The following WDR27 variants were observed in gnomAD, a reference collection of about 807,000 sequenced individuals.
WDR27 encodes the protein WD repeat domain 27.
In WDR27, 100 loss-of-function variants were observed where a neutral mutation model predicts 114.4. That is an observed-to-expected ratio of 0.87 (90% CI 0.74 to 1.03). The LOEUF (loss-of-function observed/expected upper bound fraction) is 1.03. Ranked by LOEUF, WDR27 falls within the 50% of genes least tolerant of loss-of-function variation. WDR27 has a pLI of 0.00. For missense variants in WDR27, 1,129 were observed against 1,092.9 expected (o/e 1.03, Z -0.47); for synonymous variants, 449 against 423.1 (o/e 1.06, Z -0.75).
intron 23 of WDR27, among the ~76,000 whole-genome samples, chr6:169,600,681 A>G (rs930759223): frequency 1.1e-4 from 17 of 152,230 alleles, no homozygotes; most frequent in African/African-American, 3.1e-4. Context: ...AAGCCTCAGT[A>G]GCTGATTCGA....
At chr6:169,626,274 C>T (rs1027795873) in intron 21 of WDR27, among the ~76,000 whole-genome samples, 30 of 152,236 alleles carry the variant, frequency 2.0e-4, no homozygotes, top group African/African-American at 3.9e-4. Context: ...GTGTGGGTGT[C>T]GCCTTCCTGA....
chr6:169,638,322 C>CA (rs60501000), intron 18 of WDR27, among the ~76,000 whole-genome samples: 514 of 10,990 alleles, frequency 0.047, 120 homozygotes, highest in Non-Finnish European at 0.089. Flanking sequence ...GACTCCGTCT[C>CA]AAAAAAAAAA....
Position 169,659,089 on chromosome 6 carries a change from G to A in WDR27, c.1316C>T (p.Ala439Val). ...PSMGQSLSVP[A>V]SSCVLPTSPL... ...TCCACACTTGAAGACACTCTACCTG[G>A]CTGGCACCGAGAGGCTCTGCCCCAT... Residue 439 changes from alanine to valine, a missense_variant, in exon 12 of 26, where the codon GCC (alanine) becomes GTC (valine). Transcript: ENST00000448612. This position sits in a 1 kb window ranked among gnomAD's most constrained non-coding sequence, Gnocchi z 4.3. The A allele has an allele frequency of 6.4e-7, 1 of 1,551,642 alleles. No homozygotes were observed. The highest frequency in any genetic ancestry group is 1.4e-5 in the African/African-American group (1 of 72,210).
chr6:169,557,840 C>T (rs1799136008), intron 25 of WDR27, among the ~76,000 whole-genome samples: 1 of 152,050 alleles, frequency 6.6e-6, no homozygotes, highest in Admixed American at 6.5e-5. Context: ...GTTATCAGGA[C>T]AGAAGATTAT....
chr6:169,446,554 G>T, the WDR27 span, among the ~76,000 whole-genome samples: 1 of 152,240 alleles, frequency 6.6e-6, no homozygotes, highest in East Asian at 1.9e-4. Context: ...TCTGCAGGGG[G>T]CAGGAGGGAG....
At chr6:169,629,166 G>T (rs1815652160) in intron 21 of WDR27, among the ~76,000 whole-genome samples, 1 of 152,034 alleles carries the variant, frequency 6.6e-6, no homozygotes, top group Non-Finnish European at 1.5e-5. Flanking sequence ...TAGAAAATTG[G>T]TTAGCTAAAG....
intron 2 of WDR27, among the ~76,000 whole-genome samples, chr6:169,683,954 A>G (rs1782234669): frequency 6.6e-6 from 1 of 152,144 alleles, no homozygotes; most frequent in Non-Finnish European, 1.5e-5. Flanking sequence ...GCACAGCACC[A>G]TCTTGAGACC....
chr6:169,526,537 T>C (rs1794991191), intron 25 of WDR27, among the ~76,000 whole-genome samples: 1 of 151,924 alleles, frequency 6.6e-6, no homozygotes, highest in Non-Finnish European at 1.5e-5. Flanking sequence ...CGCTTAAACC[T>C]GGGAGGCAGA....
chr6:169,507,066 A>G (rs1792092253), intron 25 of WDR27, among the ~76,000 whole-genome samples: 1 of 152,246 alleles, frequency 6.6e-6, no homozygotes, highest in African/African-American at 2.4e-5. Context: ...TCAATTGTGT[A>G]ATGTTTTAGA....
At chr6:169,654,512 A>G (rs1032322502) in intron 13 of WDR27, among the ~76,000 whole-genome samples, 2 of 152,252 alleles carry the variant, frequency 1.3e-5, no homozygotes, top group African/African-American at 4.8e-5. Flanking sequence ...AAACGAAATC[A>G]TAAGACACCT....
intron 23 of WDR27, among the ~76,000 whole-genome samples, chr6:169,594,923 C>T (rs1344343933): frequency 1.3e-5 from 2 of 152,122 alleles, no homozygotes; most frequent in Non-Finnish European, 2.9e-5. Flanking sequence ...GGCCTATAAT[C>T]CCAGCACTTT....
Position 169,662,408 on chromosome 6 carries a change from G to A in WDR27, c.921C>T (p.Pro307=). The A allele has an allele frequency of 6.2e-7, 1 of 1,613,982 alleles. No homozygotes were observed. Reference sequence around the variant, plus strand: ...CTCCTTTTCCCAGAGCACTTGTAGAGGGAAGCTGGCTTTCTTCTAGGGACA... The same window carrying A: ...CTCCTTTTCCCAGAGCACTTGTAGAAGGAAGCTGGCTTTCTTCTAGGGACA... ...LCSQPEESQL[P]STSALGKGEQ... is the part of the protein sequence containing the mutation. The change falls in exon 9 of 26, where the codon CCC becomes CCT. Residue 307 remains proline, a synonymous_variant. Transcript: ENST00000448612.
chr6:169,649,715 T>G (rs1299174947), intron 14 of WDR27, among the ~76,000 whole-genome samples: 1 of 151,778 alleles, frequency 6.6e-6, no homozygotes, highest in Non-Finnish European at 1.5e-5. Context: ...CATCCAACCA[T>G]CACCCATCCA....
Position 169,688,746 on chromosome 6 carries a change from G to C in WDR27, c.189+71C>G, listed in dbSNP as rs377516204. 89 of 1,267,556 alleles carry C rather than the reference G, an allele frequency of 7.0e-5. No homozygotes were observed. In the African/African-American group the frequency reaches 1.3e-3, roughly 18 times the overall value. 78.5% of individuals were successfully genotyped at this position (1,267,556 alleles called of 1,614,324 possible). ...GAATCCACAGAGGGTAATGCTGTCC[G>C]AACAGCATCAAAGACATGGAGAGAC... On this transcript the variant is annotated intron_variant, in intron 2 of 25. Transcript: ENST00000448612.
chr6:169,504,836 C>A (rs1246231267), intron 25 of WDR27, among the ~76,000 whole-genome samples: 6 of 152,148 alleles, frequency 3.9e-5, no homozygotes, highest in South Asian at 2.1e-4. Context: ...TGGCCTCAAG[C>A]AATTCTGCCA....
At chr6:169,482,364 G>T (rs1358212727) in intron 25 of WDR27, among the ~76,000 whole-genome samples, 1 of 152,142 alleles carries the variant, frequency 6.6e-6, no homozygotes, top group African/African-American at 2.4e-5. Context: ...GGTCTTTGAG[G>T]AATCACCACA....
chr6:169,622,993 A>G (rs1813737694), intron 21 of WDR27, among the ~76,000 whole-genome samples: 1 of 152,198 alleles, frequency 6.6e-6, no homozygotes. Context: ...ATTAGCTCAA[A>G]GATTAGAAAT....
intron 13 of WDR27, among the ~76,000 whole-genome samples, chr6:169,655,060 G>A (rs1823745822): frequency 6.6e-6 from 1 of 152,186 alleles, no homozygotes; most frequent in African/African-American, 2.4e-5. Flanking sequence ...TCTCTCCCTC[G>A]CTTTGGGTTT....
At chr6:169,633,375 A>G (rs894838520) in intron 20 of WDR27, among the ~76,000 whole-genome samples, 1 of 152,206 alleles carries the variant, frequency 6.6e-6, no homozygotes, top group Non-Finnish European at 1.5e-5. Context: ...TGAGATGTCC[A>G]TGAAACACCC....
Sources: gnomAD v4.1 joint callset for allele counts (sites outside exome capture counted in the v4.1 genomes callset) on GRCh38, gnomAD v4.1.1 for gene constraint, Gnocchi (gnomAD v3.1) non-coding constraint, MANE v1.5 for transcripts, NCBI Gene and HGNC (gene_info 2026-07-23, HGNC 2026-07-21) for gene names.